GSK3A: variants seen among roughly 807,000 people sequenced by gnomAD.
The protein encoded by GSK3A is glycogen synthase kinase-3 alpha.
In GSK3A, 14 loss-of-function variants were observed where a neutral mutation model predicts 56.6. The observed-to-expected ratio is 0.25, with a 90% CI of 0.16 to 0.39. The LOEUF (loss-of-function observed/expected upper bound fraction) is 0.39, where lower values mean the gene tolerates loss of function less well. Among genes scored for constraint, GSK3A ranks in the 10% least tolerant of loss-of-function variants. The probability of loss-of-function intolerance (pLI) is 1.00; values close to 1 mark genes in which losing one functional copy is unlikely to be tolerated. For synonymous variants in GSK3A, 301 were observed against 285.0 expected (o/e 1.06, Z -0.56); for missense variants, 450 against 656.0 (o/e 0.69, Z 3.43).
chr19:42,230,848 G>A lies in GSK3A; in HGVS notation c.1398C>T (p.Thr466=). ...PSSQALTETP[T]SSDWQSTDAT... ...CATCGGTCGACTGCCAGTCTGAGCT[G>A]GTCGGAGTCTCAGTTAAAGCTGGAG... The change falls in exon 11 of 11, where the codon ACC becomes ACT. Residue 466 remains threonine (T), a synonymous_variant. Transcript: ENST00000222330. 6.4e-7 allele frequency: 1 copy of A among 1,561,614 alleles called. No homozygotes were observed. The highest frequency in any genetic ancestry group is 8.7e-7 in the Non-Finnish European group (1 of 1,152,436).
chr19:42,233,878 G>A (rs2036240747), intron 6 of GSK3A, among the ~76,000 whole-genome samples: 1 of 152,164 alleles, frequency 6.6e-6, no homozygotes, highest in Non-Finnish European at 1.5e-5. Flanking sequence ...TGCTGTGGAA[G>A]GTGCCCTTTC....
Position 42,233,478 on chromosome 19 carries a change from A to C in GSK3A, c.905-95T>G, listed in dbSNP as rs181544900. ...TCATGGCCATCCTAAGAGTGTCAGG[A>C]GCCCCGTTTTCTCAAAGACAAAGCA... On this transcript the variant is annotated intron_variant, in intron 6 of 10. Coordinates refer to ENST00000222330, the MANE Select transcript of GSK3A (RefSeq NM_019884.3). The C allele has an allele frequency of 7.8e-5, 64 of 819,988 alleles. No individual in the cohort carries two copies. In the East Asian group the frequency reaches 1.5e-3, roughly 19 times the overall value. The allele number at this position is 819,988 out of a possible 1,614,324, so 50.8% of individuals were successfully genotyped here. A position where few individuals can be genotyped will look rare whatever the true frequency, so the allele number is the denominator to read the frequency against.
chr19:42,242,257 C>T lies in GSK3A; in HGVS notation c.209G>A (p.Gly70Asp), dbSNP rs1487197016. 1.0e-5 allele frequency: 15 copies of T among 1,434,542 alleles called. No homozygotes were observed. The highest frequency in any genetic ancestry group is 1.5e-5 in the African/African-American group (1 of 67,184). 88.9% of individuals were successfully genotyped at this position (1,434,542 alleles called of 1,614,324 possible). A position where few individuals can be genotyped will look rare whatever the true frequency, so the allele number is the denominator to read the frequency against. The change falls in exon 1 of 11, where the codon GGC becomes GAC. Residue 70 changes from glycine to aspartate, a missense_variant. Coordinates refer to ENST00000222330, the MANE Select transcript of GSK3A (RefSeq NM_019884.3). ...TCCGCTGCCTCCTCCGCCGCTGCCG[C>T]CGGGTCCACCCCCGGAGCTCGAGGC... is the stretch of plus-strand genomic sequence containing the variant. ...VGASSSGGGPGGSGGGGSGGP... is the reference protein window; with the variant it reads ...VGASSSGGGPDGSGGGGSGGP...
At chr19:42,235,548 C>T (rs1217107857) in intron 4 of GSK3A, among the ~76,000 whole-genome samples, 2 of 152,152 alleles carry the variant, frequency 1.3e-5, no homozygotes, top group African/African-American at 4.8e-5. Context: ...TTCCTAGGCC[C>T]CCTTCCTTTT....
Position 42,242,221 on chromosome 19 carries a change from G to A in GSK3A, c.245C>T (p.Ala82Val). The A allele has an allele frequency of 6.9e-7, 1 of 1,444,546 alleles. No individual in the cohort carries two copies. Among genetic ancestry groups the A allele is most frequent in the South Asian group, 1.4e-5 (1 of 72,976 alleles). 89.5% of individuals were successfully genotyped at this position (1,444,546 alleles called of 1,614,324 possible). A position where few individuals can be genotyped will look rare whatever the true frequency, so the allele number is the denominator to read the frequency against. Residue 82 changes from alanine to valine, a missense_variant, in exon 1 of 11, where the codon GCA becomes GTA. Ala to Val is a moderately conservative substitution (Grantham distance 64). Around this residue, in one of 3 missense-constraint regions of GSK3A, gnomAD observed 193 missense variants for 200.5 expected, o/e 0.96. Coordinates refer to ENST00000222330, the MANE Select transcript of GSK3A (RefSeq NM_019884.3). ...SGGGGSGGPG[A>V]GTSFPPPGVK... ...CCCGGGCGGCGGGAAGCTAGTGCCT[G>A]CGCCGGGGCCTCCGCTGCCTCCTCC... is the stretch of plus-strand genomic sequence containing the variant.
chr19:42,236,964 C>G (rs758767411), intron 2 of GSK3A, 23 bp from the exon 3 acceptor site: 3 of 1,515,860 alleles, frequency 2.0e-6, no homozygotes, highest in Non-Finnish European at 2.8e-6. Flanking sequence ...GGGAGAGTCT[C>G]AGAATACAAC....
intron 10 of GSK3A, among the ~76,000 whole-genome samples, chr19:42,231,315 G>C (rs1032040526): frequency 2.0e-5 from 3 of 152,134 alleles, no homozygotes; most frequent in Admixed American, 6.5e-5. Context: ...AGCCGGGATT[G>C]TGCCACTGCA....
chr19:42,241,795 G>A (rs888678013), intron 1 of GSK3A: 11 of 168,186 alleles, frequency 6.5e-5, no homozygotes, highest in East Asian at 1.6e-4. Flanking sequence ...TCTTTTTCGG[G>A]GTTGGTCTTA....
rs199858279 is a variant in GSK3A, at chr19:42,234,616, G to A, written c.729C>T (p.Arg243=). The A allele has an allele frequency of 1.8e-4, 297 of 1,613,726 alleles. 1 individual carries two copies. The South Asian group carries it at 2.0e-3, about 11-fold the overall frequency. Residue 243 remains arginine, a synonymous_variant, in exon 5 of 11, where the codon CGC becomes CGT. Transcript: ENST00000222330. The surrounding 1 kb of genome is among the most constrained non-coding windows in gnomAD (Gnocchi z 5.7). The stretch of plus-strand genomic sequence containing the variant: ...CCAGCAGGTTCTGGGGCTTGATGTC[G>A]CGGTGACACACGCCCTGGGAGTGGA... The part of the protein sequence containing the change: ...AYIHSQGVCH[R]DIKPQNLLVD...
At chr19:42,240,191 A>C (rs749944667) in intron 1 of GSK3A, 49 bp from the exon 2 acceptor site, 19 of 1,532,836 alleles carry the variant, frequency 1.2e-5, no homozygotes, top group Admixed American at 6.7e-5. Flanking sequence ...CTGCCTGCGC[A>C]TCACCCTATC....
At position 42,233,440 on chromosome 19, in the gene GSK3A, A is replaced by G. The variant is rs2036237736; in HGVS notation, c.905-57T>C. Reference sequence around the variant, plus strand: ...GGCGAGTAGGGCCACCAACCTCCCAATGCTTTTATTCCTCATGGCCATCCT... The same window carrying G: ...GGCGAGTAGGGCCACCAACCTCCCAGTGCTTTTATTCCTCATGGCCATCCT... On this transcript the variant is annotated intron_variant, in intron 6 of 10. Coordinates refer to ENST00000222330, the MANE Select transcript of GSK3A (RefSeq NM_019884.3). 4 of 1,131,014 alleles carry G rather than the reference A, an allele frequency of 3.5e-6. No homozygotes were observed. The South Asian group carries it at 4.1e-5, about 12-fold the overall frequency. The allele number at this position is 1,131,014 out of a possible 1,614,324, so 70.1% of individuals were successfully genotyped here.
chr19:42,238,382 T>TAA (rs55840950), intron 2 of GSK3A, among the ~76,000 whole-genome samples: 2,211 of 120,174 alleles, frequency 0.018, 80 homozygotes, highest in African/African-American at 0.064. Context: ...GATTCTGTCT[T>TAA]AAAAAAAAAA....
chr19:42,242,376 T>TCCGCCTCCG lies in GSK3A; in HGVS notation c.81_89dup (p.Gly33_Gly35dup), dbSNP rs1181747006. ...AGCCTCCGGGGCCGCCGCCGCCTCC[T>TCCGCCTCCG]CCGCCTCCGCCGCCGGGCTCCGCGA... On this transcript the variant is annotated inframe_insertion, in exon 1 of 11. Transcript: ENST00000222330. 3 of 1,391,328 alleles carry TCCGCCTCCG rather than the reference T, an allele frequency of 2.2e-6. No individual in the cohort carries two copies. Among genetic ancestry groups the TCCGCCTCCG allele is most frequent in the African/African-American group, 3.0e-5 (2 of 65,580 alleles). 86.2% of individuals were successfully genotyped at this position (1,391,328 alleles called of 1,614,324 possible).
chr19:42,236,158 C>T (rs548853402), intron 4 of GSK3A, among the ~76,000 whole-genome samples: 2 of 152,206 alleles, frequency 1.3e-5, no homozygotes, highest in East Asian at 1.9e-4. Context: ...AGATGATGGA[C>T]GGAGATGCAT....
At position 42,234,357 on chromosome 19, in the gene GSK3A, G is replaced by A. The variant is rs376493455; in HGVS notation, c.900C>T (p.Ser300=). 10 of 1,612,228 alleles carry A rather than the reference G, an allele frequency of 6.2e-6. No individual in the cohort carries two copies. The highest frequency in any genetic ancestry group is 8.5e-6 in the Non-Finnish European group (10 of 1,178,352). The change falls in exon 6 of 11, where the codon TCC becomes TCT. Residue 300 remains serine (S), a synonymous_variant. Transcript: ENST00000222330. This position sits in a 1 kb window ranked among gnomAD's most constrained non-coding sequence, Gnocchi z 5.7. The stretch of plus-strand genomic sequence containing the variant: ...CCACCCTCCCATAACTCTGACCGAT[G>A]GATGAGGTGTAATCAGTGGCTCCAA... ...LIFGATDYTS[S]IDVWSAGCVL...
intron 10 of GSK3A, 23 bp from the exon 11 acceptor site, chr19:42,230,890 CAG>C (rs1444110766): frequency 2.0e-6 from 3 of 1,525,840 alleles, no homozygotes; most frequent in Non-Finnish European, 2.7e-6. Flanking sequence ...AGGGAAGGAG[CAG>C]AGTTAGCCTT....
intron 1 of GSK3A, chr19:42,240,994 A>G (rs1003135319): frequency 2.0e-5 from 3 of 150,152 alleles, no homozygotes; most frequent in African/African-American, 7.3e-5. Context: ...AACCAAATCC[A>G]TTTTTTTGTT....
At position 42,242,190 on chromosome 19, in the gene GSK3A, C is replaced by A. The variant is rs377139858; in HGVS notation, c.276G>T (p.Lys92Asn). ...AGTSFPPPGVKLGRDSGKVTT... is the reference protein window; with the variant it reads ...AGTSFPPPGVNLGRDSGKVTT... ...GGCGCCACTAGTACTCACGGCCCAG[C>A]TTCACCCCGGGCGGCGGGAAGCTAG... Residue 92 changes from lysine (K) to asparagine (N), a missense_variant, in exon 1 of 11, where the codon AAG (lysine) becomes AAT (asparagine). By Grantham distance (94) the Lys-to-Asn change is moderately conservative. This residue lies in a region of GSK3A where 193 missense variants were observed against 200.5 expected (regional missense o/e 0.96). Transcript: ENST00000222330. 1 of 1,421,442 alleles carries A rather than the reference C, an allele frequency of 7.0e-7. No homozygotes were observed. Among genetic ancestry groups the A allele is most frequent in the East Asian group, 2.9e-5 (1 of 33,910 alleles). 88.1% of individuals were successfully genotyped at this position (1,421,442 alleles called of 1,614,324 possible).
At chr19:42,236,825 G>C (rs1568466173) in intron 3 of GSK3A, 33 bp downstream of exon 3, 2 of 1,557,546 alleles carry the variant, frequency 1.3e-6, no homozygotes, top group East Asian at 2.2e-5. Context: ...AAAATGGCTG[G>C]AGCAACCCAC....
Sources: gnomAD v4.1 joint callset for allele counts (sites outside exome capture counted in the v4.1 genomes callset) on GRCh38, gnomAD v4.1.1 for gene constraint, gnomAD v4.1.1 regional missense constraint, Gnocchi (gnomAD v3.1) non-coding constraint, MANE v1.5 for transcripts, NCBI Gene and HGNC (gene_info 2026-07-23, HGNC 2026-07-21) for gene names.